DCLK2: variants seen among roughly 807,000 people sequenced by gnomAD.
The protein encoded by DCLK2 is serine/threonine-protein kinase DCLK2.
In DCLK2, 31 loss-of-function variants were observed where a neutral mutation model predicts 78.4. That is an observed-to-expected ratio of 0.40 (90% CI 0.30 to 0.53). DCLK2 has a LOEUF of 0.53. Among genes scored for constraint, DCLK2 ranks in the 20% least tolerant of loss-of-function variants. DCLK2 has a pLI of 0.61. For missense variants in DCLK2, 872 were observed against 973.7 expected, an observed-to-expected ratio of 0.90 and a Z score of 1.39; for synonymous variants, 407 against 374.9, an observed-to-expected ratio of 1.09 and a Z score of -0.99.
intron 8 of DCLK2, among the ~76,000 whole-genome samples, chr4:150,230,938 A>C (rs1482965497): frequency 1.3e-5 from 2 of 152,228 alleles, no homozygotes; most frequent in Non-Finnish European, 2.9e-5. Context: ...TCATTAAAAG[A>C]AGCATAGATT....
At chr4:150,228,765 G>A (rs1741805441) in intron 8 of DCLK2, among the ~76,000 whole-genome samples, 1 of 152,170 alleles carries the variant, frequency 6.6e-6, no homozygotes, top group African/African-American at 2.4e-5. Context: ...GGTGGCTCAC[G>A]CCTGTAATCC....
At chr4:150,150,755 A>G (rs576807968) in intron 2 of DCLK2, among the ~76,000 whole-genome samples, 4 of 152,342 alleles carry the variant, frequency 2.6e-5, no homozygotes, top group South Asian at 4.1e-4. Context: ...ATTATAGCTC[A>G]GGGACTAATA....
intron 2 of DCLK2, among the ~76,000 whole-genome samples, chr4:150,109,629 G>A (rs1580518958): frequency 6.6e-6 from 1 of 152,190 alleles, no homozygotes; most frequent in Non-Finnish European, 1.5e-5. Flanking sequence ...GAGCCACCAT[G>A]CCTGGCTGCA....
At chr4:150,085,300 A>G (rs1729563298) in intron 1 of DCLK2, among the ~76,000 whole-genome samples, 1 of 152,196 alleles carries the variant, frequency 6.6e-6, no homozygotes, top group South Asian at 2.1e-4. Context: ...ACCACAGACT[A>G]GGTAAGTTAT....
At chr4:150,119,944 T>C (rs375513258) in intron 2 of DCLK2, among the ~76,000 whole-genome samples, 3 of 152,350 alleles carry the variant, frequency 2.0e-5, no homozygotes, top group East Asian at 3.9e-4. Flanking sequence ...AATTGAGTTA[T>C]AGATGCTTTG....
intron 2 of DCLK2, among the ~76,000 whole-genome samples, chr4:150,190,034 C>CAAAAGAAAAAAAAAAAAA (rs1738281403): frequency 3.8e-5 from 1 of 26,232 alleles, no homozygotes; most frequent in African/African-American, 1.1e-4. Flanking sequence ...GACCCTGTCT[C>CAAAAGAAAAAAAAAAAAA]AAAAAAAAAA....
intron 5 of DCLK2, among the ~76,000 whole-genome samples, chr4:150,206,456 G>C (rs906130149): frequency 2.0e-5 from 3 of 152,018 alleles, no homozygotes; most frequent in African/African-American, 7.3e-5. Context: ...GTAAGACAAA[G>C]AACAGTTGTC....
intron 2 of DCLK2, among the ~76,000 whole-genome samples, chr4:150,177,345 A>G (rs986908441): frequency 1.3e-5 from 2 of 152,126 alleles, no homozygotes; most frequent in African/African-American, 2.4e-5. Flanking sequence ...GAAGCCCTGT[A>G]TGGAGTAACA....
At position 150,193,166 on chromosome 4, in the gene DCLK2, A is replaced by G; in HGVS notation, c.785A>G (p.Asp262Gly). The G allele has an allele frequency of 6.2e-7, 1 of 1,609,898 alleles. No homozygotes were observed. The highest frequency in any genetic ancestry group is 8.5e-7 in the Non-Finnish European group (1 of 1,177,396). ...QVTCLQDFFG[D>G]DDVFIACGPE... Reference sequence around the variant, plus strand: ...ACTTGTCTGCAAGACTTTTTTGGTGATGACGATGTTTTTATTGCATGTGGA... The same window carrying G: ...ACTTGTCTGCAAGACTTTTTTGGTGGTGACGATGTTTTTATTGCATGTGGA... The change falls in exon 3 of 16, where the codon GAT (aspartate) becomes GGT (glycine). Residue 262 changes from aspartate to glycine, a missense_variant. Asp to Gly is a moderately conservative substitution (Grantham distance 94, BLOSUM62 -1). Around this residue, in one of 3 missense-constraint regions of DCLK2, gnomAD observed 567 missense variants for 593.4 expected, o/e 0.96. Coordinates refer to ENST00000296550, the MANE Select transcript of DCLK2 (RefSeq NM_001040260.4).
chr4:150,177,665 A>G (rs1444144230), intron 2 of DCLK2, among the ~76,000 whole-genome samples: 1 of 152,226 alleles, frequency 6.6e-6, no homozygotes, highest in African/African-American at 2.4e-5. Flanking sequence ...CGATGAGCCA[A>G]AAAGGAGAGT....
intron 2 of DCLK2, chr4:150,175,698 C>T (rs1737037755): frequency 6.6e-6 from 1 of 152,060 alleles, no homozygotes; most frequent in African/African-American, 2.4e-5. Flanking sequence ...GAAAAATGAT[C>T]ATGTAATGAA....
chr4:150,155,645 G>T (rs1202757339), intron 2 of DCLK2, among the ~76,000 whole-genome samples: 1 of 152,196 alleles, frequency 6.6e-6, no homozygotes, highest in Non-Finnish European at 1.5e-5. Context: ...CTGCCAGCAG[G>T]TGTTGAGAAA....
chr4:150,163,660 T>C (rs958877682), intron 2 of DCLK2, among the ~76,000 whole-genome samples: 4 of 152,202 alleles, frequency 2.6e-5, no homozygotes, highest in African/African-American at 4.8e-5. Context: ...TCTCTGGCTT[T>C]AGAACTCAGT....
At chr4:150,089,293 A>C (rs765709633) in intron 1 of DCLK2, among the ~76,000 whole-genome samples, 1 of 152,144 alleles carries the variant, frequency 6.6e-6, no homozygotes, top group East Asian at 1.9e-4. Context: ...CTTTCCTCTT[A>C]CTCACAGCAA....
chr4:150,106,541 T>C (rs531619831), intron 2 of DCLK2, among the ~76,000 whole-genome samples: 1 of 152,338 alleles, frequency 6.6e-6, no homozygotes, highest in East Asian at 1.9e-4. Context: ...CTAAATTTTA[T>C]TTTTTCCTGG....
chr4:150,239,667 G>A (rs2126597631), intron 10 of DCLK2, 75 bp from the exon 11 acceptor site: 5 of 1,544,790 alleles, frequency 3.2e-6, no homozygotes, highest in Non-Finnish European at 4.4e-6. Context: ...TGTCCTTTCT[G>A]CCTAATTCCA....
At chr4:150,174,193 A>G (rs1736770767) in intron 2 of DCLK2, among the ~76,000 whole-genome samples, 1 of 152,124 alleles carries the variant, frequency 6.6e-6, no homozygotes, top group Non-Finnish European at 1.5e-5. Flanking sequence ...GTTTCTGGAC[A>G]TCCTTTCTGC....
At chr4:150,255,743 C>T (rs2126656946) in intron 15 of DCLK2, among the ~76,000 whole-genome samples, 1 of 152,310 alleles carries the variant, frequency 6.6e-6, no homozygotes, top group South Asian at 2.1e-4. Context: ...GGGGTGAGAA[C>T]CCAGGCACAG....
chr4:150,234,040 A>C (rs902069255), intron 10 of DCLK2, among the ~76,000 whole-genome samples: 1 of 152,102 alleles, frequency 6.6e-6, no homozygotes, highest in Non-Finnish European at 1.5e-5. Context: ...TGAGTCTTCT[A>C]CATCATGTTA....
Sources: allele counts gnomAD v4.1 joint callset (sites outside exome capture counted in the v4.1 genomes callset), GRCh38; gene constraint gnomAD v4.1.1; regional missense constraint gnomAD v4.1.1; transcripts MANE v1.5; gene names NCBI Gene and HGNC (gene_info 2026-07-23, HGNC 2026-07-21).